ACTR8: variants seen among roughly 807,000 people sequenced by gnomAD.
ACTR8 encodes actin-related protein 8.
In ACTR8, 70 loss-of-function variants were observed where a neutral mutation model predicts 84.3. The observed-to-expected ratio is 0.83, with a 90% CI of 0.68 to 1.01. The LOEUF (loss-of-function observed/expected upper bound fraction) is 1.01. ACTR8 is among the 50% of genes least tolerant of loss of function. The pLI is 0.00. For missense variants in ACTR8, 672 were observed against 775.4 expected (o/e 0.87, Z 1.58); for synonymous variants, 268 against 275.2 (o/e 0.97, Z 0.26).
chr3:53,869,976 A>T lies in ACTR8; in HGVS notation c.1731+6T>A. The T allele has an allele frequency of 6.2e-7, 1 of 1,613,866 alleles. No homozygotes were observed. Among genetic ancestry groups the T allele is most frequent in the Non-Finnish European group, 8.5e-7 (1 of 1,179,792 alleles). On this transcript the variant is annotated splice_donor_region_variant and intron_variant, in intron 12 of 12. Transcript: ENST00000335754. ...ACAGTCCAACTTGCACAATGAAACA[A>T]CCTACCTTAGGCCTTGTGATCACAT...
chr3:53,863,670 G>T (rs929534648), downstream of ACTR8, among the ~76,000 whole-genome samples: 1 of 152,006 alleles, frequency 6.6e-6, no homozygotes, highest in African/African-American at 2.4e-5. Flanking sequence ...TTAACTTTGG[G>T]AACTATAAAG....
downstream of ACTR8, among the ~76,000 whole-genome samples, chr3:53,866,772 C>T (rs1425305429): frequency 2.0e-5 from 3 of 152,138 alleles, no homozygotes; most frequent in Non-Finnish European, 2.9e-5. Context: ...TGAGCCACGG[C>T]GCCTGGCCTA....
At chr3:53,860,812 C>T in the ACTR8 span, 5 of 151,988 alleles carry the variant, frequency 3.3e-5, no homozygotes, top group Non-Finnish European at 5.9e-5. Flanking sequence ...AAAATGTATA[C>T]AGATACTAGT....
intron 7 of ACTR8, among the ~76,000 whole-genome samples, chr3:53,875,106 A>G (rs976909279): frequency 1.3e-5 from 2 of 152,222 alleles, no homozygotes; most frequent in Non-Finnish European, 2.9e-5. Context: ...CAGCTGCTAT[A>G]TTATTTTATT....
At chr3:53,873,530 T>C (rs528672633) in intron 8 of ACTR8, among the ~76,000 whole-genome samples, 12 of 152,244 alleles carry the variant, frequency 7.9e-5, no homozygotes, top group Non-Finnish European at 1.5e-4. Context: ...GATTAAACAT[T>C]GATTGTTTGC....
the ACTR8 span, chr3:53,860,273 AT>A: frequency 7.3e-6 from 11 of 1,501,592 alleles, 1 homozygote; most frequent in South Asian, 1.2e-4. Flanking sequence ...AGGAAATAAC[AT>A]TTTGAATTTT....
rs185517223 is a variant in ACTR8, at chr3:53,875,948, C to T, written c.911G>A (p.Arg304Gln). Residue 304 changes from arginine to glutamine, a missense_variant and splice_region_variant, in exon 7 of 13, where the codon CGG (arginine) becomes CAG (glutamine). By Grantham distance (43) the Arg-to-Gln change is conservative. Transcript: ENST00000335754. Reference sequence around the variant, plus strand: ...GAATGCCACCTTCCAAGTTCCTTACCGAGTATTCCGATGAGACACCCCATC... The same window carrying T: ...GAATGCCACCTTCCAAGTTCCTTACTGAGTATTCCGATGAGACACCCCATC... The part of the protein sequence containing the change: ...VEDGVSHRNT[R>Q]LCLAYGGSDV... 1.9e-5 allele frequency: 31 copies of T among 1,613,952 alleles called. No homozygotes were observed. Among genetic ancestry groups the T allele is most frequent in the African/African-American group, 1.5e-4 (11 of 74,916 alleles).
chr3:53,863,274 G>A (rs777051344), downstream of ACTR8, among the ~76,000 whole-genome samples: 1 of 152,130 alleles, frequency 6.6e-6, no homozygotes, highest in Non-Finnish European at 1.5e-5. Context: ...CAGGGCCGGT[G>A]CCCCTCCCCA....
chr3:53,870,750 C>T lies in ACTR8; in HGVS notation c.1567+482G>A, dbSNP rs768238183. On this transcript the variant is annotated intron_variant, in intron 11 of 12. Transcript: ENST00000335754. The surrounding 1 kb of genome is among the most constrained non-coding windows in gnomAD (Gnocchi z 4.1). ...CCTCACACCCTGCTTCCCAGCCACA[C>T]AGGTCTTCACAGGCTTCTTCCTCTA... 6.6e-6 allele frequency among the ~76,000 whole-genome samples: 1 copy of T among 152,346 alleles called. No individual in the cohort carries two copies. Among genetic ancestry groups the T allele is most frequent in the Admixed American group, 6.5e-5 (1 of 15,314 alleles).
chr3:53,865,231 G>T, downstream of ACTR8: 3 of 1,613,574 alleles, frequency 1.9e-6, no homozygotes, highest in East Asian at 6.7e-5. Context: ...TTTCTGTGCA[G>T]AACTTCTCCA....
In ACTR8 at chr3:53,867,472, A is replaced by G. The variant is rs887230755; in HGVS notation, c.*1247T>C. The stretch of plus-strand genomic sequence containing the variant: ...AACCTACTGAGCAGTTACAGAGGGT[A>G]CTCCCATTGATACAAAATGCTCAGG... On this transcript the variant is annotated 3_prime_UTR_variant, in exon 13 of 13. Transcript: ENST00000335754. The G allele has an allele frequency of 1.3e-5, 2 of 152,152 alleles. No individual in the cohort carries two copies. The highest frequency in any genetic ancestry group is 4.8e-5 in the African/African-American group (2 of 41,432). 9.4% of individuals were successfully genotyped at this position (152,152 alleles called of 1,614,324 possible).
rs1699863978 is a variant in ACTR8, at chr3:53,870,307, T to C, written c.1568-162A>G. The C allele has an allele frequency of 2.6e-6, 2 of 764,036 alleles. No individual in the cohort carries two copies. Among genetic ancestry groups the C allele is most frequent in the Non-Finnish European group, 4.2e-6 (2 of 474,698 alleles). 47.3% of individuals were successfully genotyped at this position (764,036 alleles called of 1,614,324 possible). ...CCAGGGGAACCCTACGAAACACAAA[T>C]GTAGGCATGTTGCCACGCCACCGCA... On this transcript the variant is annotated intron_variant, in intron 11 of 12. Coordinates refer to ENST00000335754, the MANE Select transcript of ACTR8 (RefSeq NM_022899.5). The surrounding 1 kb of genome is among the most constrained non-coding windows in gnomAD (Gnocchi z 4.1).
chr3:53,865,811 T>C (rs1052554392), downstream of ACTR8: 1 of 153,882 alleles, frequency 6.5e-6, no homozygotes, highest in Non-Finnish European at 1.4e-5. Flanking sequence ...CTGGACCAAA[T>C]GATCTATTAT....
In ACTR8 at chr3:53,878,354, A is replaced by G. The variant is rs1476170826; in HGVS notation, c.405+3T>C. On this transcript the variant is annotated splice_donor_region_variant and intron_variant, in intron 3 of 12. Coordinates refer to ENST00000335754, the MANE Select transcript of ACTR8 (RefSeq NM_022899.5). ...AAGAATAAATCTGAAGAGTTAATCGAACCTGTTCAGGGGACACAGGAATGC... is the reference window on the plus strand; with the variant it reads ...AAGAATAAATCTGAAGAGTTAATCGGACCTGTTCAGGGGACACAGGAATGC... 3.1e-6 allele frequency: 5 copies of G among 1,591,800 alleles called. No individual in the cohort carries two copies. The highest frequency in any genetic ancestry group is 4.3e-6 in the Non-Finnish European group (5 of 1,160,484).
chr3:53,875,795 G>C (rs1250177544), intron 7 of ACTR8, among the ~76,000 whole-genome samples, 153 bp downstream of exon 7: 1 of 152,252 alleles, frequency 6.6e-6, no homozygotes, highest in Non-Finnish European at 1.5e-5. Context: ...AGCCTTGCTA[G>C]AATATGCACT....
rs201450445 is a variant in ACTR8 at position 53,868,754 on chromosome 3, G to T, written c.1840C>A (p.Arg614Ser). The change falls in exon 13 of 13, where the codon CGC (arginine) becomes AGC (serine). Residue 614 changes from arginine (R) to serine (S), a missense_variant. Physicochemically the swap from Arg to Ser is moderately radical, Grantham distance 110. Transcript: ENST00000335754. ...YQREWQRFGV[R>S]MLRERAAFVW ...AACGCAGCCCGCTCTCGTAACATGC[G>T]GACACCAAAGCGCTGCCACTCTCGC... 10 of 1,614,006 alleles carry T rather than the reference G, an allele frequency of 6.2e-6. No homozygotes were observed. The Admixed American group carries it at 1.0e-4, about 16-fold the overall frequency.
the ACTR8 span, among the ~76,000 whole-genome samples, chr3:53,861,783 TGAG>T: frequency 6.6e-6 from 1 of 152,100 alleles, no homozygotes; most frequent in Non-Finnish European, 1.5e-5. Context: ...AGAAAATCAC[TGAG>T]GAGAAAGGAT....
downstream of ACTR8, chr3:53,864,934 G>GT: frequency 1.2e-6 from 2 of 1,614,198 alleles, no homozygotes; most frequent in Non-Finnish European, 1.7e-6. Flanking sequence ...GATGGGTCCA[G>GT]TGCAGTGGCT....
At chr3:53,874,863 A>C (rs967208749) in intron 7 of ACTR8, among the ~76,000 whole-genome samples, 7 of 152,236 alleles carry the variant, frequency 4.6e-5, no homozygotes, top group African/African-American at 1.7e-4. Flanking sequence ...AGCAAAAACC[A>C]GTGGGGAACA....
Sources: allele counts gnomAD v4.1 joint callset (sites outside exome capture counted in the v4.1 genomes callset), GRCh38; gene constraint gnomAD v4.1.1; non-coding constraint Gnocchi (gnomAD v3.1); transcripts MANE v1.5; gene names NCBI Gene and HGNC (gene_info 2026-07-23, HGNC 2026-07-21).